APPL2: variants seen among roughly 807,000 people sequenced by gnomAD.
APPL2 encodes the protein adaptor protein, phosphotyrosine interacting with PH domain and leucine zipper 2, also known as DCC-interacting protein 13-beta.
Under a neutral mutation model 92.7 loss-of-function variants are expected in APPL2, and 84 were observed. The ratio of observed to expected loss-of-function variants is 0.91; its 90% CI spans 0.76 to 1.09. The LOEUF (loss-of-function observed/expected upper bound fraction) is 1.09, where lower values mean the gene tolerates loss of function less well. APPL2 is among the 50% of genes least tolerant of loss of function. APPL2 has a pLI of 0.00. For missense variants in APPL2, 736 were observed against 824.5 expected, an observed-to-expected ratio of 0.89 and a Z score of 1.31; for synonymous variants, 291 against 291.0, an observed-to-expected ratio of 1.00 and a Z score of 0.00.
intron 2 of APPL2, among the ~76,000 whole-genome samples, chr12:105,220,410 A>G (rs1890011005): frequency 6.6e-6 from 1 of 152,232 alleles, no homozygotes; most frequent in African/African-American, 2.4e-5. Context: ...CAAAAATAAG[A>G]TGCTGGCCCA....
Position 105,179,339 on chromosome 12 carries a change from G to A in APPL2, c.1635-2077C>T, listed in dbSNP as rs533011031. Among the ~76,000 whole-genome samples, 6 of 152,310 alleles carry A rather than the reference G, an allele frequency of 3.9e-5. No homozygotes were observed. The East Asian group carries it at 1.2e-3, about 29-fold the overall frequency. The stretch of plus-strand genomic sequence containing the variant: ...AGTCATTCTTTTTTATGGCTGCATA[G>A]TATTCCTTGGTGTATATGTGCCACA... On this transcript the variant is annotated intron_variant, in intron 17 of 20. Coordinates refer to ENST00000258530, the MANE Select transcript of APPL2 (RefSeq NM_018171.5).
At chr12:105,217,997 A>C (rs932711646) in intron 2 of APPL2, among the ~76,000 whole-genome samples, 1 of 152,166 alleles carries the variant, frequency 6.6e-6, no homozygotes, top group African/African-American at 2.4e-5. Flanking sequence ...AGTCCCAGCT[A>C]TTCAGGAGGC....
chr12:105,195,809 T>G (rs1371149836), intron 11 of APPL2, among the ~76,000 whole-genome samples, 182 bp from the exon 12 acceptor site: 4 of 152,090 alleles, frequency 2.6e-5, no homozygotes, highest in African/African-American at 7.2e-5. Context: ...AGTCCCAGCA[T>G]TTTGGGAAGG....
At chr12:105,232,354 T>A (rs1203510419) in intron 1 of APPL2, among the ~76,000 whole-genome samples, 2 of 152,196 alleles carry the variant, frequency 1.3e-5, no homozygotes, top group Non-Finnish European at 2.9e-5. Flanking sequence ...AACTGGGTAT[T>A]ACCTAATAAA....
At chr12:105,188,634 A>AGTT (rs1886940962) in intron 16 of APPL2, among the ~76,000 whole-genome samples, 187 bp from the exon 17 acceptor site, 1 of 152,200 alleles carries the variant, frequency 6.6e-6, no homozygotes, top group African/African-American at 2.4e-5. Flanking sequence ...ACATCTTGTC[A>AGTT]GTTTGTTTGG....
intron 14 of APPL2, among the ~76,000 whole-genome samples, chr12:105,194,461 C>T (rs1887468802): frequency 1.3e-5 from 2 of 152,116 alleles, no homozygotes; most frequent in South Asian, 2.1e-4. Context: ...GAAGCTGAGG[C>T]GGGTGGATCA....
chr12:105,229,337 T>C, intron 1 of APPL2, 114 bp from the exon 2 acceptor site: 2 of 1,003,748 alleles, frequency 2.0e-6, no homozygotes, highest in South Asian at 3.3e-5. Context: ...GAAAGAAAGG[T>C]ACCTGTTGGT....
chr12:105,217,657 C>A lies in APPL2; in HGVS notation c.213+9G>T, dbSNP rs1233842575. ...AGCAGCATCACAGGCCACATAAATA[C>A]CAAGTTACCTGTTTTTCATATGCCA... On this transcript the variant is annotated intron_variant, in intron 3 of 20. Transcript: ENST00000258530. 3.1e-6 allele frequency: 5 copies of A among 1,613,740 alleles called. No individual in the cohort carries two copies. Among genetic ancestry groups the A allele is most frequent in the Non-Finnish European group, 4.2e-6 (5 of 1,179,898 alleles).
chr12:105,232,567 C>T (rs991339543), intron 1 of APPL2, among the ~76,000 whole-genome samples: 3 of 152,072 alleles, frequency 2.0e-5, no homozygotes, highest in Non-Finnish European at 4.4e-5. Flanking sequence ...GAGTTCAAGA[C>T]CACCCTGGGC....
At position 105,211,264 on chromosome 12, in the gene APPL2, TA is replaced by T. The variant is rs1566084346; in HGVS notation, c.338del (p.Leu113HisfsTer14). 1.2e-6 allele frequency: 2 copies of T among 1,614,054 alleles called. No homozygotes were observed. The highest frequency in any genetic ancestry group is 4.5e-5 in the East Asian group (2 of 44,878). On this transcript the variant is annotated frameshift_variant, in exon 5 of 21. Coordinates refer to ENST00000258530, the MANE Select transcript of APPL2 (RefSeq NM_018171.5). LOFTEE classifies it high-confidence loss of function. Reference sequence around the variant, plus strand: ...CCTTTTCTCGGAATTGTATGATAGGTAGAACCATTGTGTCTGCCAACTGTTT... The same window carrying T: ...CCTTTTCTCGGAATTGTATGATAGGTGAACCATTGTGTCTGCCAACTGTTT... ...LAKQLADTMVLPIIQFREKDL... is the reference protein window; with the variant it reads ...LAKQLADTMVXPIIQFREKDL...
chr12:105,222,466 G>C lies in APPL2; in HGVS notation c.154-4741C>G, dbSNP rs112189653. Among the ~76,000 whole-genome samples, 800 of 152,292 alleles carry C rather than the reference G, an allele frequency of 5.3e-3. 8 individuals are homozygous for C. Among genetic ancestry groups the C allele is most frequent in the African/African-American group, 0.018 (765 of 41,554 alleles). On this transcript the variant is annotated intron_variant, in intron 2 of 20. Coordinates refer to ENST00000258530, the MANE Select transcript of APPL2 (RefSeq NM_018171.5). ...CAGCAGGGTGTGGTGAGTGAGGAAG[G>C]CGGGGGAGTCAGAAAGAACTGTGCT...
chr12:105,216,608 T>C (rs189746624), intron 4 of APPL2, among the ~76,000 whole-genome samples: 1 of 152,294 alleles, frequency 6.6e-6, no homozygotes, highest in East Asian at 1.9e-4. Flanking sequence ...ACTGGAGTGA[T>C]GCTGCCACAG....
At chr12:105,229,064 G>A in intron 2 of APPL2, 61 bp downstream of exon 2, 1 of 1,403,872 alleles carries the variant, frequency 7.1e-7, no homozygotes, top group South Asian at 1.3e-5. Flanking sequence ...TCTGAGGGAA[G>A]TTCAGGATGA....
chr12:105,219,333 G>A (rs1415998016), intron 2 of APPL2, among the ~76,000 whole-genome samples: 2 of 152,134 alleles, frequency 1.3e-5, no homozygotes, highest in African/African-American at 2.4e-5. Flanking sequence ...ACCAGGAAAC[G>A]TGGCTCTTTT....
Position 105,207,082 on chromosome 12 carries a change from C to T in APPL2, c.600G>A (p.Met200Ile), listed in dbSNP as rs1888765629. The T allele has an allele frequency of 1.2e-6, 2 of 1,614,040 alleles. No homozygotes were observed. Among genetic ancestry groups the T allele is most frequent in the African/African-American group, 2.7e-5 (2 of 74,950 alleles). ...CTACCTGTCCATGGGCAAAGCCTAT[C>T]ATGGGCTCCATCATGGCCATTTGCT... ...YRKQMAMMEP[M>I]IGFAHGQINF... Residue 200 changes from methionine to isoleucine, a missense_variant, in exon 8 of 21, where the codon ATG becomes ATA. By Grantham distance (10) the Met-to-Ile change is conservative. Coordinates refer to ENST00000258530, the MANE Select transcript of APPL2 (RefSeq NM_018171.5).
chr12:105,193,331 A>T (rs1255817542), intron 14 of APPL2, among the ~76,000 whole-genome samples: 1 of 152,210 alleles, frequency 6.6e-6, no homozygotes, highest in African/African-American at 2.4e-5. Flanking sequence ...TATCAGAGCT[A>T]GAAGGGTCCT....
At chr12:105,179,941 T>TA (rs1342944207) in intron 17 of APPL2, among the ~76,000 whole-genome samples, 5 of 152,258 alleles carry the variant, frequency 3.3e-5, no homozygotes, top group African/African-American at 9.6e-5. Context: ...ACTCTGATGA[T>TA]AGTTTCTTTT....
rs191183055 is a variant in APPL2, at chr12:105,204,887, C to T, written c.622-1102G>A. 5.3e-5 allele frequency among the ~76,000 whole-genome samples: 8 copies of T among 152,282 alleles called. No individual in the cohort carries two copies. In the East Asian group the frequency reaches 5.8e-4, roughly 11 times the overall value. Reference sequence around the variant, plus strand: ...TCTACAGCCGCATCACAGCCTGTCCCGTCAATGTAACACTGGAGGTCACTG... The same window carrying T: ...TCTACAGCCGCATCACAGCCTGTCCTGTCAATGTAACACTGGAGGTCACTG... On this transcript the variant is annotated intron_variant, in intron 8 of 20. Coordinates refer to ENST00000258530, the MANE Select transcript of APPL2 (RefSeq NM_018171.5).
intron 1 of APPL2, chr12:105,233,149 G>A: frequency 1.0e-6 from 1 of 985,482 alleles, no homozygotes; most frequent in Non-Finnish European, 1.2e-6. Context: ...AGCTGCATTT[G>A]TGTTCCTATC....
Sources: gnomAD v4.1 joint callset for allele counts (sites outside exome capture counted in the v4.1 genomes callset) on GRCh38, gnomAD v4.1.1 for gene constraint, MANE v1.5 for transcripts, NCBI Gene and HGNC (gene_info 2026-07-23, HGNC 2026-07-21) for gene names.